NRXN1: variants seen among roughly 807,000 people sequenced by gnomAD.
The protein encoded by NRXN1 is neurexin-1.
Under a neutral mutation model 150.9 loss-of-function variants are expected in NRXN1, and 39 were observed. The observed-to-expected ratio is 0.26, with a 90% CI of 0.20 to 0.34. The LOEUF (loss-of-function observed/expected upper bound fraction) is 0.34, where lower values mean the gene tolerates loss of function less well. Ranked by LOEUF, NRXN1 falls within the 10% of genes least tolerant of loss-of-function variation. NRXN1 has a pLI of 1.00. For synonymous variants in NRXN1, 924 were observed against 757.0 expected, an observed-to-expected ratio of 1.22 and a Z score of -3.62; for missense variants, 1,815 against 1,949.9, an observed-to-expected ratio of 0.93 and a Z score of 1.30.
rs180787123 is a variant in NRXN1 at position 50,000,686 on chromosome 2, C to T, written c.4128+52585G>A. 3.8e-3 allele frequency among the ~76,000 whole-genome samples: 582 copies of T among 152,250 alleles called. 5 individuals are homozygous for T. Among genetic ancestry groups the T allele is most frequent in the African/African-American group, 0.014 (561 of 41,536 alleles). On this transcript the variant is annotated intron_variant, in intron 21 of 22. Transcript: ENST00000401669. ...AGATAATAGTCCCAGAGTCTAGAGT[C>T]ATTTCTCTTGTTAACAGGATATCAA...
At position 50,627,273 on chromosome 2, in the gene NRXN1, T is replaced by G. The variant is rs1681281746; in HGVS notation, c.833-3658A>C. ...TTAACCAGGATCAGTTAACTAAACA[T>G]TTGCCAATTCCTTCAACTCATTTGT... is the stretch of plus-strand genomic sequence containing the variant. On this transcript the variant is annotated intron_variant, in intron 5 of 22. Coordinates refer to ENST00000401669, the MANE Select transcript of NRXN1 (RefSeq NM_001330078.2). 1.3e-5 allele frequency among the ~76,000 whole-genome samples: 2 copies of G among 151,724 alleles called. 1 individual carries two copies. Among genetic ancestry groups the G allele is most frequent in the Admixed American group, 1.3e-4 (2 of 15,188 alleles).
At chr2:50,807,843 AT>A (rs959637566) in intron 5 of NRXN1, among the ~76,000 whole-genome samples, 3 of 152,182 alleles carry the variant, frequency 2.0e-5, no homozygotes, top group African/African-American at 7.2e-5. Context: ...CTGTATAAAA[AT>A]TTTTATCGTA....
At chr2:50,582,651 C>G (rs957287111) in intron 8 of NRXN1, among the ~76,000 whole-genome samples, 27 of 144,320 alleles carry the variant, frequency 1.9e-4, no homozygotes, top group Non-Finnish European at 1.6e-4. Flanking sequence ...TTATTAACCA[C>G]ACTTTGGGAT....
intron 21 of NRXN1, among the ~76,000 whole-genome samples, chr2:49,945,548 C>A (rs1672742508): frequency 6.6e-6 from 1 of 152,040 alleles, no homozygotes; most frequent in Non-Finnish European, 1.5e-5. Context: ...GACCCCCACC[C>A]TCCAACAGGC....
intron 5 of NRXN1, among the ~76,000 whole-genome samples, chr2:50,796,745 T>A (rs1177462428): frequency 6.6e-6 from 1 of 152,184 alleles, no homozygotes; most frequent in Admixed American, 6.5e-5. Flanking sequence ...TAACTTTAAT[T>A]TTTCATAACA....
chr2:50,693,589 A>C (rs1181358579), intron 5 of NRXN1, among the ~76,000 whole-genome samples: 5 of 152,174 alleles, frequency 3.3e-5, no homozygotes, highest in Non-Finnish European at 1.5e-5. Flanking sequence ...AATACGTTGA[A>C]TCAATGAACT....
intron 2 of NRXN1, among the ~76,000 whole-genome samples, chr2:50,986,447 C>T (rs539315440): frequency 6.6e-6 from 1 of 151,608 alleles, no homozygotes; most frequent in Non-Finnish European, 1.5e-5. Context: ...TATTTACCAA[C>T]AAGGAATCAG....
intron 22 of NRXN1, among the ~76,000 whole-genome samples, chr2:49,922,844 G>A (rs1349574879): frequency 1.3e-5 from 2 of 151,996 alleles, no homozygotes; most frequent in South Asian, 4.1e-4. Context: ...CCATTTTGTT[G>A]GAGATTCATT....
At chr2:50,228,782 G>A (rs928581096) in intron 18 of NRXN1, among the ~76,000 whole-genome samples, 10 of 151,932 alleles carry the variant, frequency 6.6e-5, no homozygotes, top group Admixed American at 6.6e-4. Context: ...AAAATTCCAG[G>A]AAGAGCCCAC....
chr2:50,112,729 C>G (rs1702542627), intron 18 of NRXN1, among the ~76,000 whole-genome samples: 1 of 152,036 alleles, frequency 6.6e-6, no homozygotes, highest in African/African-American at 2.4e-5. Context: ...GTTTCCTTTA[C>G]TAAAATGCAG....
intron 5 of NRXN1, among the ~76,000 whole-genome samples, chr2:50,874,666 C>A (rs1678302502): frequency 6.6e-6 from 1 of 151,642 alleles, no homozygotes; most frequent in Non-Finnish European, 1.5e-5. Flanking sequence ...CTTACTTTTA[C>A]TTCCAACAGG....
chr2:50,521,938 G>A (rs538947834), intron 12 of NRXN1, among the ~76,000 whole-genome samples: 1 of 152,206 alleles, frequency 6.6e-6, no homozygotes, highest in Non-Finnish European at 1.5e-5. Context: ...AACGGGACAA[G>A]GATAAGTAAT....
At chr2:50,177,954 T>C (rs1159076766) in intron 18 of NRXN1, among the ~76,000 whole-genome samples, 4 of 152,066 alleles carry the variant, frequency 2.6e-5, no homozygotes, top group Admixed American at 1.3e-4. Context: ...AGAGACATCA[T>C]TGACTTGAGT....
intron 8 of NRXN1, among the ~76,000 whole-genome samples, chr2:50,583,215 T>C (rs546870764): frequency 9.9e-5 from 15 of 152,194 alleles, no homozygotes; most frequent in African/African-American, 3.6e-4. Flanking sequence ...ATTTTGTTTT[T>C]AATTTTAGTA....
At chr2:50,224,821 T>G (rs1248345796) in intron 18 of NRXN1, among the ~76,000 whole-genome samples, 2 of 151,890 alleles carry the variant, frequency 1.3e-5, no homozygotes, top group Admixed American at 1.3e-4. Flanking sequence ...GTTTTTTGTT[T>G]GTTTTCATTC....
At chr2:50,388,859 C>G (rs1348319244) in intron 17 of NRXN1, among the ~76,000 whole-genome samples, 1 of 150,274 alleles carries the variant, frequency 6.7e-6, no homozygotes, top group Admixed American at 6.6e-5. Context: ...TATGCAACAG[C>G]AAAGTAAAAA....
chr2:51,008,505 A>T (rs1397223690), intron 2 of NRXN1, among the ~76,000 whole-genome samples: 1 of 151,952 alleles, frequency 6.6e-6, no homozygotes, highest in East Asian at 1.9e-4. Context: ...ATTAAGTGAG[A>T]TAATAATCAC....
At chr2:50,041,124 T>C (rs1690879253) in intron 21 of NRXN1, among the ~76,000 whole-genome samples, 1 of 152,154 alleles carries the variant, frequency 6.6e-6, no homozygotes, top group Non-Finnish European at 1.5e-5. Flanking sequence ...AAGAATAAAT[T>C]CCTTTGACAT....
chr2:50,845,510 T>C lies in NRXN1; in HGVS notation c.832+76359A>G, dbSNP rs182788211. Among the ~76,000 whole-genome samples the C allele has an allele frequency of 5.4e-4, 82 of 152,310 alleles. 1 individual carries two copies. Among genetic ancestry groups the C allele is most frequent in the African/African-American group, 1.8e-3 (76 of 41,566 alleles). ...TATTGAAACGTAATGACTTACTTTCTTCATGGCGTTTTTCACCATCTGAAA... is the reference window on the plus strand; with the variant it reads ...TATTGAAACGTAATGACTTACTTTCCTCATGGCGTTTTTCACCATCTGAAA... On this transcript the variant is annotated intron_variant, in intron 5 of 22. Coordinates refer to ENST00000401669, the MANE Select transcript of NRXN1 (RefSeq NM_001330078.2).
Sources: gnomAD v4.1 joint callset for allele counts (sites outside exome capture counted in the v4.1 genomes callset) on GRCh38, gnomAD v4.1.1 for gene constraint, MANE v1.5 for transcripts, NCBI Gene and HGNC (gene_info 2026-07-23, HGNC 2026-07-21) for gene names.